Variants in DNAH7 observed in about 807,000 individuals in gnomAD.
DNAH7 encodes the protein dynein axonemal heavy chain 7, also known as axonemal beta dynein heavy chain 7.
In DNAH7, 397 loss-of-function variants were observed where a neutral mutation model predicts 444.6. That is an observed-to-expected ratio of 0.89 (90% CI 0.82 to 0.97). The LOEUF (loss-of-function observed/expected upper bound fraction) is 0.97. Among genes scored for constraint, DNAH7 ranks in the 50% least tolerant of loss-of-function variants. The probability of loss-of-function intolerance (pLI) is 0.00; values close to 1 mark genes in which losing one functional copy is unlikely to be tolerated. For missense variants in DNAH7, 4,902 were observed against 4,800.8 expected (o/e 1.02, Z -0.62); for synonymous variants, 1,636 against 1,624.4 (o/e 1.01, Z -0.17).
intron 19 of DNAH7, among the ~76,000 whole-genome samples, chr2:195,948,026 G>GC (rs1482504008): frequency 1.3e-5 from 2 of 152,060 alleles, no homozygotes; most frequent in Non-Finnish European, 2.9e-5. Flanking sequence ...GTTTTGATTT[G>GC]CATTTCTCTA....
chr2:195,987,033 C>CA (rs1370400970), intron 14 of DNAH7, 33 bp downstream of exon 14: 25 of 1,539,412 alleles, frequency 1.6e-5, no homozygotes, highest in African/African-American at 4.2e-5. Context: ...CATCCCCTCC[C>CA]AAAAAATAAA....
chr2:195,940,399 A>C (rs1689344998), intron 19 of DNAH7, among the ~76,000 whole-genome samples: 1 of 152,232 alleles, frequency 6.6e-6, no homozygotes, highest in South Asian at 2.1e-4. Context: ...CTTAATTGTA[A>C]AACTTAAAAC....
intron 63 of DNAH7, among the ~76,000 whole-genome samples, chr2:195,746,438 G>A (rs968712951): frequency 4.6e-5 from 7 of 152,094 alleles, no homozygotes; most frequent in Non-Finnish European, 8.8e-5. Flanking sequence ...AGAGATCAAC[G>A]AGACAGAAAG....
Position 195,781,753 on chromosome 2 carries a change from C to T in DNAH7, c.10879-3768G>A, listed in dbSNP as rs986819675. On this transcript the variant is annotated intron_variant, in intron 58 of 64. Coordinates refer to ENST00000312428, the MANE Select transcript of DNAH7 (RefSeq NM_018897.3). ...TCATTAAAATGAAGATCTCTATCTA[C>T]TTTGAAAGTTATCCACAACATATGT... Among the ~76,000 whole-genome samples the T allele has an allele frequency of 4.0e-5, 6 of 150,814 alleles. 1 individual carries two copies. In the South Asian group the frequency reaches 1.3e-3, roughly 32 times the overall value.
At chr2:195,911,540 A>T (rs1411380279) in intron 24 of DNAH7, among the ~76,000 whole-genome samples, 1 of 152,166 alleles carries the variant, frequency 6.6e-6, no homozygotes. Context: ...GATAAATAAA[A>T]ACTAATCTAC....
rs770614615 is a variant in DNAH7, at chr2:195,987,139, C to T, written c.1681G>A (p.Val561Met). ...CCACAAATAATATCTGCTCGCTTCA[C>T]CAAAGCTCTGATTAATTCCTCACAG... ...MHCEELIRAL[V>M]KRADIICGKL... The change falls in exon 14 of 65, where the codon GTG becomes ATG. Residue 561 changes from valine to methionine, a missense_variant. Coordinates refer to ENST00000312428, the MANE Select transcript of DNAH7 (RefSeq NM_018897.3). The T allele has an allele frequency of 1.9e-5, 30 of 1,608,012 alleles. No individual in the cohort carries two copies. The highest frequency in any genetic ancestry group is 2.3e-5 in the Non-Finnish European group (27 of 1,177,806).
At position 195,830,704 on chromosome 2, in the gene DNAH7, T is replaced by C. The variant is rs924603657; in HGVS notation, c.9100+3502A>G. On this transcript the variant is annotated intron_variant, in intron 48 of 64. Coordinates refer to ENST00000312428, the MANE Select transcript of DNAH7 (RefSeq NM_018897.3). ...ATGGAATTTAAAGGAATCCACCAGA[T>C]GGATGGAAGAGCAAAAACAAGCTAA... 5.3e-5 allele frequency among the ~76,000 whole-genome samples: 8 copies of C among 152,212 alleles called. No homozygotes were observed. The East Asian group carries it at 1.2e-3, about 22-fold the overall frequency.
intron 10 of DNAH7, among the ~76,000 whole-genome samples, chr2:196,009,320 C>A (rs1227081162): frequency 6.6e-6 from 1 of 152,070 alleles, no homozygotes; most frequent in African/African-American, 2.4e-5. Flanking sequence ...GAATTGTACA[C>A]ATTAAAGTAG....
At chr2:195,807,758 A>T (rs571399822) in intron 53 of DNAH7, among the ~76,000 whole-genome samples, 39 of 152,208 alleles carry the variant, frequency 2.6e-4, no homozygotes, top group Non-Finnish European at 4.1e-4. Context: ...TGGTATCTCA[A>T]ATTAGAAATC....
At chr2:196,065,385 C>T (rs769218730) in intron 1 of DNAH7, among the ~76,000 whole-genome samples, 11 of 152,164 alleles carry the variant, frequency 7.2e-5, no homozygotes, top group Non-Finnish European at 1.3e-4. Context: ...ATCATAGGAA[C>T]TCAACAACTG....
At chr2:195,820,956 T>C (rs1042852196) in intron 49 of DNAH7, among the ~76,000 whole-genome samples, 2 of 152,202 alleles carry the variant, frequency 1.3e-5, no homozygotes, top group Non-Finnish European at 2.9e-5. Flanking sequence ...TGCTAGTCTA[T>C]GAAGTACCTT....
At chr2:195,942,507 G>A (rs1274291963) in intron 19 of DNAH7, among the ~76,000 whole-genome samples, 3 of 152,048 alleles carry the variant, frequency 2.0e-5, no homozygotes, top group Non-Finnish European at 2.9e-5. Context: ...GATAGCCAGT[G>A]TGGCTGGAAT....
At chr2:195,981,071 A>G (rs1429003953) in intron 15 of DNAH7, among the ~76,000 whole-genome samples, 1 of 152,000 alleles carries the variant, frequency 6.6e-6, no homozygotes, top group Non-Finnish European at 1.5e-5. Context: ...GTTTGCAGAT[A>G]ATATATTATA....
Position 195,881,830 on chromosome 2 carries a change from CTACAAA to C in DNAH7, c.5920_5925del (p.Phe1974_Val1975del), listed in dbSNP as rs1293487176. 6.2e-7 allele frequency: 1 copy of C among 1,614,004 alleles called. No individual in the cohort carries two copies. Among genetic ancestry groups the C allele is most frequent in the Non-Finnish European group, 8.5e-7 (1 of 1,179,940 alleles). On this transcript the variant is annotated inframe_deletion, in exon 36 of 65. Coordinates refer to ENST00000312428, the MANE Select transcript of DNAH7 (RefSeq NM_018897.3). The stretch of plus-strand genomic sequence containing the variant: ...ACACTTTTCCCAGTTCCTGTTGGTC[CTACAAA>C]TATTGAAGGCTTTTGATGGGTGGTC...
At chr2:195,766,364 C>T (rs1261154325) in intron 61 of DNAH7, among the ~76,000 whole-genome samples, 3 of 151,400 alleles carry the variant, frequency 2.0e-5, no homozygotes, top group Non-Finnish European at 2.9e-5. Context: ...AGACGGGTTT[C>T]GCCCTGTTGG....
chr2:196,063,118 G>A (rs1321631753), intron 1 of DNAH7, among the ~76,000 whole-genome samples: 1 of 152,132 alleles, frequency 6.6e-6, no homozygotes, highest in African/African-American at 2.4e-5. Flanking sequence ...CTGACCTCAG[G>A]TGATCCACCC....
rs545533490 is a variant in DNAH7, at chr2:195,882,136, G to C, written c.5764-144C>G. 3.9e-4 allele frequency: 250 copies of C among 633,916 alleles called. 2 individuals carry two copies. In the African/African-American group the frequency reaches 4.2e-3, roughly 11 times the overall value. The allele number at this position is 633,916 out of a possible 1,614,324, so 39.3% of individuals were successfully genotyped here. On this transcript the variant is annotated intron_variant, in intron 35 of 64. Transcript: ENST00000312428. ...TATCCTTTAAGACACTTTACACTCAGTTTGAAGGTTAAATTGTACATGTAA... is the reference window on the plus strand; with the variant it reads ...TATCCTTTAAGACACTTTACACTCACTTTGAAGGTTAAATTGTACATGTAA...
Position 195,888,868 on chromosome 2 carries a change from A to T in DNAH7, c.5160T>A (p.Ile1720=). Residue 1720 remains isoleucine (I), a synonymous_variant, in exon 32 of 65, where the codon ATT becomes ATA. Transcript: ENST00000312428. ...GATTCATTTGTGGTGACATCTGAAT[A>T]ATCTCCCCACTCATCAGACATAGCT... ...NKKLCLMSGE[I]IQMSPQMNLI... 6.2e-7 allele frequency: 1 copy of T among 1,614,054 alleles called. No individual in the cohort carries two copies.
At chr2:195,897,850 AC>A (rs1423854118) in intron 28 of DNAH7, 85 bp from the exon 29 acceptor site, 1 of 654,616 alleles carries the variant, frequency 1.5e-6, no homozygotes, top group Non-Finnish European at 2.6e-6. Context: ...ACACAAACCT[AC>A]AGACCCTGTA....
Sources: allele counts gnomAD v4.1 joint callset (sites outside exome capture counted in the v4.1 genomes callset), GRCh38; gene constraint gnomAD v4.1.1; transcripts MANE v1.5; gene names NCBI Gene and HGNC (gene_info 2026-07-23, HGNC 2026-07-21).